Variants in AGBL1 observed in about 807,000 individuals in gnomAD.
The protein encoded by AGBL1 is AGBL carboxypeptidase 1.
AGBL1 carries 130 observed loss-of-function variants against 118.9 expected under a neutral mutation model. The ratio of observed to expected loss-of-function variants is 1.09; its 90% CI spans 0.95 to 1.26. AGBL1 has a LOEUF of 1.26. AGBL1 is among the 50% of genes most tolerant of loss of function. AGBL1 has a pLI of 0.00. For synonymous variants in AGBL1, 555 were observed against 478.9 expected (o/e 1.16, Z -2.08); for missense variants, 1,584 against 1,298.1 (o/e 1.22, Z -3.38).
chr15:86,884,483 A>G (rs1258596269), intron 22 of AGBL1, among the ~76,000 whole-genome samples: 1 of 152,256 alleles, frequency 6.6e-6, no homozygotes, highest in Non-Finnish European at 1.5e-5. Context: ...ACTGTAGATA[A>G]AAGGAGACTA....
intron 24 of AGBL1, among the ~76,000 whole-genome samples, chr15:87,021,272 G>A (rs2081661768): frequency 6.6e-6 from 1 of 152,134 alleles, no homozygotes; most frequent in Non-Finnish European, 1.5e-5. Flanking sequence ...AATGGTGGTG[G>A]AAGAACTGGC....
chr15:86,694,578 G>T (rs1349629571), intron 22 of AGBL1, among the ~76,000 whole-genome samples: 1 of 151,946 alleles, frequency 6.6e-6, no homozygotes, highest in East Asian at 1.9e-4. Flanking sequence ...TGATTTGGAT[G>T]CCATTTATTT....
intron 21 of AGBL1, among the ~76,000 whole-genome samples, chr15:86,561,167 T>A (rs2083813628): frequency 1.3e-5 from 2 of 152,246 alleles, no homozygotes; most frequent in Admixed American, 6.5e-5. Flanking sequence ...AATTTTGGCT[T>A]TTGTTGCCAT....
chr15:87,015,080 G>A lies in AGBL1; in HGVS notation c.3324-13745G>A, dbSNP rs558960187. Among the ~76,000 whole-genome samples, 8 of 152,190 alleles carry A rather than the reference G, an allele frequency of 5.3e-5. No homozygotes were observed. The South Asian group carries it at 1.7e-3, about 32-fold the overall frequency. ...AAAGCATCAATTCTCTCTTTCTTCA[G>A]GAAAGGGACACTCTTCTTCTCCTGC... On this transcript the variant is annotated intron_variant, in intron 24 of 24. Transcript: ENST00000441037.
intron 23 of AGBL1, among the ~76,000 whole-genome samples, chr15:86,985,473 T>TC (rs942510829): frequency 5.9e-5 from 9 of 152,252 alleles, no homozygotes; most frequent in Non-Finnish European, 1.3e-4. Flanking sequence ...TAATTTGCTT[T>TC]CCCCTGATGA....
At chr15:86,756,598 A>C (rs963013531) in intron 22 of AGBL1, among the ~76,000 whole-genome samples, 10 of 152,104 alleles carry the variant, frequency 6.6e-5, no homozygotes, top group African/African-American at 2.2e-4. Flanking sequence ...GCTGATTCCT[A>C]AATGAAGATG....
At chr15:86,650,944 C>G (rs1324035168) in intron 21 of AGBL1, among the ~76,000 whole-genome samples, 1 of 152,176 alleles carries the variant, frequency 6.6e-6, no homozygotes, top group Admixed American at 6.5e-5. Flanking sequence ...AGCAGTGATT[C>G]TTAAAAATTC....
intron 18 of AGBL1, among the ~76,000 whole-genome samples, chr15:86,407,968 T>C (rs1182624742): frequency 6.6e-6 from 1 of 152,100 alleles, no homozygotes; most frequent in Non-Finnish European, 1.5e-5. Flanking sequence ...GGACCAGGAC[T>C]CCTCTGCAGG....
At chr15:86,349,028 CAT>C (rs1031191080) in intron 17 of AGBL1, among the ~76,000 whole-genome samples, 4 of 152,248 alleles carry the variant, frequency 2.6e-5, no homozygotes, top group African/African-American at 9.6e-5. Flanking sequence ...GAGACACAGA[CAT>C]AGAGAAAAGA....
intron 20 of AGBL1, among the ~76,000 whole-genome samples, chr15:86,553,255 C>T (rs1256730313): frequency 1.3e-5 from 2 of 152,138 alleles, no homozygotes; most frequent in Non-Finnish European, 2.9e-5. Context: ...TGGGACTAAT[C>T]GCAGTATTTC....
At chr15:86,633,842 T>A (rs2085027649) in intron 21 of AGBL1, among the ~76,000 whole-genome samples, 1 of 44,172 alleles carries the variant, frequency 2.3e-5, no homozygotes, top group Non-Finnish European at 3.7e-5. Flanking sequence ...TGTATATATA[T>A]ATAATGTATA....
intron 22 of AGBL1, among the ~76,000 whole-genome samples, chr15:86,719,380 G>A (rs2086683670): frequency 6.6e-6 from 1 of 152,148 alleles, no homozygotes; most frequent in Non-Finnish European, 1.5e-5. Context: ...GTAGGCATGT[G>A]AGCTAAAGAT....
intron 18 of AGBL1, among the ~76,000 whole-genome samples, chr15:86,451,344 T>G (rs1402648747): frequency 6.6e-6 from 1 of 152,190 alleles, no homozygotes; most frequent in African/African-American, 2.4e-5. Flanking sequence ...GTAGGAAGTT[T>G]GAGGATAGAG....
chr15:86,773,072 T>C (rs1022130346), intron 22 of AGBL1, among the ~76,000 whole-genome samples: 1 of 152,068 alleles, frequency 6.6e-6, no homozygotes, highest in Non-Finnish European at 1.5e-5. Flanking sequence ...GGTGCACTTA[T>C]GGGCCTTGAT....
At position 86,658,716 on chromosome 15, in the gene AGBL1, G is replaced by A. The variant is rs553635727; in HGVS notation, c.2995-15557G>A. On this transcript the variant is annotated intron_variant, in intron 21 of 22. Coordinates refer to ENST00000614907, the MANE Select transcript of AGBL1 (RefSeq NM_001386094.1). ...GTGGATACAGAAAGCCATAGCCAGA[G>A]TTCCTAGGCTGGTGGGTGTTTCTGA... Among the ~76,000 whole-genome samples the A allele has an allele frequency of 1.5e-3, 234 of 152,242 alleles. 1 individual carries two copies. Among genetic ancestry groups the A allele is most frequent in the South Asian group, 7.5e-3 (36 of 4,824 alleles).
chr15:86,573,356 G>C (rs1297069623), intron 21 of AGBL1, among the ~76,000 whole-genome samples: 2 of 152,172 alleles, frequency 1.3e-5, no homozygotes, highest in Non-Finnish European at 2.9e-5. Context: ...CAGCCACAAA[G>C]GCAGATAATT....
Position 86,257,151 on chromosome 15 carries a change from CAT to C in AGBL1, c.901+138_901+139del, listed in dbSNP as rs1050328458. ...AATTGTCTATTAAGCTAATTAGAGACATATATGAAAAAGCAGTTTTGATTTTC... is the reference window on the plus strand; with the variant it reads ...AATTGTCTATTAAGCTAATTAGAGACATATGAAAAAGCAGTTTTGATTTTC... On this transcript the variant is annotated intron_variant, in intron 8 of 22. Coordinates refer to ENST00000614907, the MANE Select transcript of AGBL1 (RefSeq NM_001386094.1). 21 of 1,029,038 alleles carry C rather than the reference CAT, an allele frequency of 2.0e-5. No individual in the cohort carries two copies. The African/African-American group carries it at 3.1e-4, about 15-fold the overall frequency. The allele number at this position is 1,029,038 out of a possible 1,614,324, so 63.7% of individuals were successfully genotyped here. A position where few individuals can be genotyped will look rare whatever the true frequency, so the allele number is the denominator to read the frequency against.
intron 21 of AGBL1, among the ~76,000 whole-genome samples, chr15:86,574,794 T>C (rs1181307275): frequency 6.7e-6 from 1 of 148,202 alleles, no homozygotes. Flanking sequence ...GCCAGGCTGG[T>C]CTCGAACTCC....
At chr15:86,766,615 AGT>A (rs1433198729) in intron 22 of AGBL1, among the ~76,000 whole-genome samples, 1 of 151,870 alleles carries the variant, frequency 6.6e-6, no homozygotes, top group East Asian at 1.9e-4. Context: ...TTTTTATTTC[AGT>A]GCCAAGATTC....
Sources: allele counts gnomAD v4.1 joint callset (sites outside exome capture counted in the v4.1 genomes callset), GRCh38; gene constraint gnomAD v4.1.1; transcripts MANE v1.5; gene names NCBI Gene and HGNC (gene_info 2026-07-23, HGNC 2026-07-21).